The following AIFM1 variants were observed in gnomAD, a reference collection of about 807,000 sequenced individuals.
The protein encoded by AIFM1 is apoptosis inducing factor mitochondria associated 1.
AIFM1 carries 3 observed loss-of-function variants against 51.7 expected under a neutral mutation model. The ratio of observed to expected loss-of-function variants is 0.06; its 90% CI spans 0.03 to 0.15. The LOEUF is 0.15. Among genes scored for constraint, AIFM1 ranks in the 10% least tolerant of loss-of-function variants. AIFM1 has a pLI of 1.00. For missense variants in AIFM1, 330 were observed against 476.8 expected (o/e 0.69, Z 2.87); for synonymous variants, 178 against 179.4 (o/e 0.99, Z 0.06).
intron 1 of AIFM1, among the ~76,000 whole-genome samples, chrX:130,163,437 C>A (rs58436038): frequency 0.025 from 2,798 of 111,310 alleles, 78 homozygotes; most frequent in African/African-American, 0.086. Context: ...AGATTAAAAG[C>A]AGTTAGGAAT....
At chrX:130,151,911 C>T (rs1350688536) in intron 2 of AIFM1, among the ~76,000 whole-genome samples, 1 of 109,814 alleles carries the variant, frequency 9.1e-6, no homozygotes, top group Non-Finnish European at 1.9e-5. Context: ...TGGTGGGGCA[C>T]GCCTGTAATC....
chrX:130,137,506 G>A (rs2030395669), intron 9 of AIFM1: 1 of 1,165,612 alleles, frequency 8.6e-7, no homozygotes, highest in Admixed American at 2.6e-5. Flanking sequence ...CTCCTGAAAA[G>A]ATGCCCTGAT....
chrX:130,161,215 G>A (rs1247304893), intron 1 of AIFM1, among the ~76,000 whole-genome samples: 4 of 110,326 alleles, frequency 3.6e-5, no homozygotes, highest in African/African-American at 6.6e-5. Flanking sequence ...TTTCCAGCAT[G>A]GAGAAAACAC....
rs923650300 is a variant in AIFM1 at position 130,165,539 on chromosome X, T to G, written c.106+12A>C. 1 of 1,178,865 alleles carries G rather than the reference T, an allele frequency of 8.5e-7. No individual in the cohort carries two copies. The highest frequency in any genetic ancestry group is 2.4e-5 in the Admixed American group (1 of 42,112). ...CCTCGGACTTGGAGGTTGCCTGGAA[T>G]GGGTCAGTCACCTGGGAGCCGGTTC... On this transcript the variant is annotated intron_variant, in intron 1 of 15. Transcript: ENST00000287295.
chrX:130,153,375 G>T (rs1414096522), intron 2 of AIFM1, among the ~76,000 whole-genome samples: 7 of 94,454 alleles, frequency 7.4e-5, no homozygotes, highest in East Asian at 3.2e-4. Context: ...AAAAAAAAAA[G>T]TCGGCAGTTT....
At chrX:130,147,355 C>T in intron 5 of AIFM1, 138 bp downstream of exon 5, 2 of 763,091 alleles carry the variant, frequency 2.6e-6, no homozygotes, top group Non-Finnish European at 4.0e-6. Flanking sequence ...CTAAGCTGTA[C>T]CAAGTGTGGA....
chrX:130,133,961 G>C (rs938057555), intron 12 of AIFM1, among the ~76,000 whole-genome samples: 1 of 110,943 alleles, frequency 9.0e-6, no homozygotes, highest in African/African-American at 3.3e-5. Flanking sequence ...ATCTATTCCA[G>C]GCCAGGTGCA....
chrX:130,164,343 T>C (rs2031460684), intron 1 of AIFM1, among the ~76,000 whole-genome samples: 1 of 112,440 alleles, frequency 8.9e-6, no homozygotes, highest in Non-Finnish European at 1.9e-5. Context: ...ATAACTCAAA[T>C]ACACCTATCA....
chrX:130,160,507 A>G (rs182745225), intron 1 of AIFM1, among the ~76,000 whole-genome samples: 5 of 112,427 alleles, frequency 4.4e-5, no homozygotes, highest in Admixed American at 3.8e-4. Flanking sequence ...TGCTCAATAA[A>G]TATTTGTTGA....
intron 1 of AIFM1, among the ~76,000 whole-genome samples, chrX:130,157,862 G>A (rs2031216224): frequency 9.2e-6 from 1 of 108,347 alleles, no homozygotes; most frequent in Non-Finnish European, 1.9e-5. Flanking sequence ...GGCTGAGGCA[G>A]GAGAATCGCT....
chrX:130,136,011 T>G, intron 12 of AIFM1, 34 bp downstream of exon 12: 1 of 1,210,511 alleles, frequency 8.3e-7, no homozygotes, highest in Non-Finnish European at 1.1e-6. Context: ...CTAGGGAGAA[T>G]GAATTATGCC....
At chrX:130,147,953 C>G in intron 3 of AIFM1, 77 bp from the exon 4 acceptor site, 2 of 1,157,902 alleles carry the variant, frequency 1.7e-6, no homozygotes, top group Non-Finnish European at 2.4e-6. Flanking sequence ...AAAAAAATCA[C>G]CTTGCACTTG....
intron 1 of AIFM1, 29 bp from the exon 2 acceptor site, chrX:130,156,632 A>T (rs771876927): frequency 4.5e-5 from 54 of 1,197,929 alleles, no homozygotes; most frequent in Non-Finnish European, 1.0e-5. Flanking sequence ...TAAGACACAC[A>T]CATACAAAAA....
chrX:130,145,319 G>C (rs1365410682), intron 6 of AIFM1, among the ~76,000 whole-genome samples, 160 bp downstream of exon 6: 1 of 111,738 alleles, frequency 8.9e-6, no homozygotes, highest in Non-Finnish European at 1.9e-5. Context: ...GCTTTCCCCA[G>C]AAAGACACAC....
At chrX:130,163,400 T>C (rs1022350411) in intron 1 of AIFM1, among the ~76,000 whole-genome samples, 5 of 110,330 alleles carry the variant, frequency 4.5e-5, no homozygotes, top group Non-Finnish European at 9.5e-5. Flanking sequence ...AAACACACGG[T>C]AGATGCTACT....
chrX:130,144,546 T>G (rs1485658265), intron 6 of AIFM1, among the ~76,000 whole-genome samples: 1 of 111,624 alleles, frequency 9.0e-6, no homozygotes, highest in Non-Finnish European at 1.9e-5. Flanking sequence ...TTTACTTGGA[T>G]GCTCTTCAGT....
chrX:130,164,574 G>A (rs1409801752), intron 1 of AIFM1, among the ~76,000 whole-genome samples: 1 of 112,054 alleles, frequency 8.9e-6, no homozygotes, highest in Admixed American at 9.4e-5. Context: ...TCCTACAGGT[G>A]GATCATTCAT....
At chrX:130,145,902 C>T (rs1569419769) in intron 5 of AIFM1, among the ~76,000 whole-genome samples, 1 of 111,520 alleles carries the variant, frequency 9.0e-6, no homozygotes, top group Non-Finnish European at 1.9e-5. Flanking sequence ...GACAGCTCCC[C>T]ACCCCCAGCA....
At chrX:130,153,352 C>CAAA (rs35771131) in intron 2 of AIFM1, among the ~76,000 whole-genome samples, 6 of 42,852 alleles carry the variant, frequency 1.4e-4, no homozygotes, top group African/African-American at 5.8e-4. Flanking sequence ...GACTCCGTTT[C>CAAA]AAAAAAAAAA....
Sources: gnomAD v4.1 joint callset for allele counts (sites outside exome capture counted in the v4.1 genomes callset) on GRCh38, gnomAD v4.1.1 for gene constraint, MANE v1.5 for transcripts, NCBI Gene and HGNC (gene_info 2026-07-23, HGNC 2026-07-21) for gene names.